MCTP1: variants seen among roughly 807,000 people sequenced by gnomAD.
MCTP1 encodes the protein multiple C2 and transmembrane domain containing 1, also known as multiple C2 and transmembrane domain-containing protein 1.
Under a neutral mutation model 120.6 loss-of-function variants are expected in MCTP1, and 69 were observed. That is an observed-to-expected ratio of 0.57 (90% CI 0.47 to 0.70). The LOEUF (loss-of-function observed/expected upper bound fraction) is 0.70. Ranked by LOEUF, MCTP1 falls within the 30% of genes least tolerant of loss-of-function variation. The pLI is 0.00. For synonymous variants in MCTP1, 529 were observed against 493.1 expected, an observed-to-expected ratio of 1.07 and a Z score of -0.96; for missense variants, 1,203 against 1,248.8, an observed-to-expected ratio of 0.96 and a Z score of 0.55.
At chr5:95,155,419 A>G (rs1382753546) in intron 1 of MCTP1, among the ~76,000 whole-genome samples, 1 of 152,172 alleles carries the variant, frequency 6.6e-6, no homozygotes, top group Non-Finnish European at 1.5e-5. Flanking sequence ...ATTCCTTCAA[A>G]TGTACATTAA....
In MCTP1 at chr5:94,947,575, TATAGAGAG is replaced by T. The variant is rs1380057141; in HGVS notation, c.982-5156_982-5149del. Among the ~76,000 whole-genome samples the T allele has an allele frequency of 4.0e-3, 189 of 47,380 alleles. 1 individual carries two copies. Among genetic ancestry groups the T allele is most frequent in the African/African-American group, 0.015 (153 of 9,952 alleles). The allele number at this position is 47,380 out of a possible 152,430, so 31.1% of individuals were successfully genotyped here. A position where few individuals can be genotyped will look rare whatever the true frequency, so the allele number is the denominator to read the frequency against. On this transcript the variant is annotated intron_variant, in intron 3 of 22. Transcript: ENST00000515393. ...TACTAAATATATATATATATATATA[TATAGAGAG>T]AGAGAGAGAGAGAGAGAGAGAGAGA...
At chr5:95,141,817 T>G (rs184185159) in intron 1 of MCTP1, among the ~76,000 whole-genome samples, 1 of 152,312 alleles carries the variant, frequency 6.6e-6, no homozygotes, top group African/African-American at 2.4e-5. Context: ...TTTTTATTAA[T>G]GTAGTTCAGA....
chr5:95,188,201 C>G (rs1002920294), intron 1 of MCTP1, among the ~76,000 whole-genome samples: 11 of 152,128 alleles, frequency 7.2e-5, no homozygotes, highest in Admixed American at 3.9e-4. Flanking sequence ...ATTAAAACTA[C>G]AGTGAGATAT....
chr5:94,711,009 G>T, intron 20 of MCTP1, 82 bp from the exon 21 acceptor site: 3 of 925,888 alleles, frequency 3.2e-6, no homozygotes, highest in Non-Finnish European at 5.1e-6. Context: ...TCTAACTTGG[G>T]ACCTAGTTAG....
intron 1 of MCTP1, among the ~76,000 whole-genome samples, chr5:95,023,158 T>G (rs1015188890): frequency 2.0e-5 from 3 of 152,176 alleles, no homozygotes; most frequent in African/African-American, 7.2e-5. Context: ...CATCACAGGC[T>G]TTTGAAGACA....
chr5:94,919,452 G>C lies in MCTP1; in HGVS notation c.1273-1479C>G, dbSNP rs143426713. Among the ~76,000 whole-genome samples, 5 of 152,234 alleles carry C rather than the reference G, an allele frequency of 3.3e-5. No homozygotes were observed. In the East Asian group the frequency reaches 9.7e-4, roughly 29 times the overall value. ...TTAAACCAATCCCCTTCCCTGATAA[G>C]TACAAATAATCCTTGGCTTTTGTTA... is the stretch of plus-strand genomic sequence containing the variant. On this transcript the variant is annotated intron_variant, in intron 7 of 22. Transcript: ENST00000515393.
intron 2 of MCTP1, among the ~76,000 whole-genome samples, chr5:94,962,331 A>G (rs992602801): frequency 3.3e-5 from 5 of 152,070 alleles, no homozygotes; most frequent in African/African-American, 1.2e-4. Flanking sequence ...TATACAAAAA[A>G]CATACTTGCA....
chr5:94,971,566 G>T (rs159016), intron 2 of MCTP1, among the ~76,000 whole-genome samples: 6,618 of 152,148 alleles, frequency 0.043, 178 homozygotes, highest in East Asian at 0.089. Flanking sequence ...TCTATAATCT[G>T]TTTATTCTAT....
intron 1 of MCTP1, among the ~76,000 whole-genome samples, chr5:95,085,240 G>T (rs1469244953): frequency 2.0e-5 from 3 of 151,936 alleles, no homozygotes; most frequent in Non-Finnish European, 4.4e-5. Flanking sequence ...ACGCCCTCCT[G>T]AGTTGGCTTA....
intron 2 of MCTP1, among the ~76,000 whole-genome samples, chr5:94,970,082 C>T (rs1826452507): frequency 6.6e-6 from 1 of 151,724 alleles, no homozygotes; most frequent in Admixed American, 6.6e-5. Flanking sequence ...GGTAAGTTAC[C>T]ATGATATAGC....
intron 2 of MCTP1, among the ~76,000 whole-genome samples, chr5:94,982,683 G>A (rs1829659075): frequency 6.6e-6 from 1 of 151,966 alleles, no homozygotes; most frequent in Non-Finnish European, 1.5e-5. Context: ...GAAGTCAGGA[G>A]TTCAAGACCA....
chr5:95,240,380 T>C (rs1756030170), intron 1 of MCTP1, among the ~76,000 whole-genome samples: 1 of 152,224 alleles, frequency 6.6e-6, no homozygotes. Context: ...GCTAACCTGG[T>C]GTTCACACGC....
intron 21 of MCTP1, chr5:94,709,557 TTAA>T (rs1756025621): frequency 6.6e-6 from 1 of 151,780 alleles, no homozygotes; most frequent in African/African-American, 2.4e-5. Flanking sequence ...TAGATTAGAG[TTAA>T]TAAACTGCCA....
chr5:95,243,192 A>G (rs1182184594), intron 1 of MCTP1, among the ~76,000 whole-genome samples: 1 of 152,242 alleles, frequency 6.6e-6, no homozygotes, highest in African/African-American at 2.4e-5. Flanking sequence ...ATTCCCAATG[A>G]TAAGAAAAGA....
intron 6 of MCTP1, 153 bp downstream of exon 6, chr5:94,931,800 A>G (rs1455459773): frequency 6.1e-6 from 4 of 651,310 alleles, no homozygotes; most frequent in Non-Finnish European, 1.1e-5. Context: ...TATTTAAAAA[A>G]CATCACATGG....
intron 19 of MCTP1, among the ~76,000 whole-genome samples, chr5:94,745,524 G>A (rs1423765964): frequency 1.3e-5 from 2 of 152,164 alleles, no homozygotes; most frequent in African/African-American, 2.4e-5. Flanking sequence ...GCAGTTAGGC[G>A]ATATGAAAGA....
At chr5:94,883,325 A>C (rs1391010376) in intron 12 of MCTP1, among the ~76,000 whole-genome samples, 1 of 152,208 alleles carries the variant, frequency 6.6e-6, no homozygotes, top group East Asian at 1.9e-4. Flanking sequence ...TCTGCTTAAA[A>C]GTCTTCTATG....
chr5:95,076,741 G>A (rs189644063), intron 1 of MCTP1, among the ~76,000 whole-genome samples: 8 of 152,230 alleles, frequency 5.3e-5, no homozygotes, highest in South Asian at 2.1e-4. Context: ...TCCTCAAACC[G>A]TGAAAATATG....
chr5:94,860,286 GTAAC>G (rs1795508796), intron 17 of MCTP1, among the ~76,000 whole-genome samples: 2 of 151,600 alleles, frequency 1.3e-5, no homozygotes, highest in African/African-American at 4.8e-5. Context: ...AATATAAAGA[GTAAC>G]TATTAGTTAT....
Sources: gnomAD v4.1 joint callset for allele counts (sites outside exome capture counted in the v4.1 genomes callset) on GRCh38, gnomAD v4.1.1 for gene constraint, MANE v1.5 for transcripts, NCBI Gene and HGNC (gene_info 2026-07-23, HGNC 2026-07-21) for gene names.